Variants in PRDM10 observed in about 807,000 individuals in gnomAD.
The protein encoded by PRDM10 is PR domain zinc finger protein 10.
A neutral mutation model predicts 133.1 loss-of-function variants in PRDM10; 65 were observed. The observed-to-expected ratio is 0.49, with a 90% confidence interval of 0.40 to 0.60. The LOEUF (loss-of-function observed/expected upper bound fraction) is 0.60, where lower values mean the gene tolerates loss of function less well. Ranked by LOEUF, PRDM10 falls within the 20% of genes least tolerant of loss-of-function variation. The pLI, the probability that PRDM10 is intolerant of heterozygous loss-of-function variation, is 0.00. For synonymous variants in PRDM10, 582 were observed against 580.4 expected, an observed-to-expected ratio of 1.00 and a Z score of -0.04; for missense variants, 1,137 against 1,507.1, an observed-to-expected ratio of 0.75 and a Z score of 4.07.
At chr11:129,929,336 T>G in intron 11 of PRDM10, 1 of 1,442,012 alleles carries the variant, frequency 6.9e-7, no homozygotes, top group African/African-American at 1.4e-5. Context: ...ATTTAGTAAG[T>G]ACAGGTTGCA....
At position 129,917,136 on chromosome 11, in the gene PRDM10, A is replaced by G. The variant is rs145112819; in HGVS notation, c.2316T>C (p.Tyr772=). 2.3e-5 allele frequency: 37 copies of G among 1,608,770 alleles called. No homozygotes were observed. The African/African-American group carries it at 4.7e-4, about 20-fold the overall frequency. The change falls in exon 15 of 21, where the codon TAT becomes TAC. Residue 772 remains tyrosine (Y), a synonymous_variant. Coordinates refer to ENST00000360871, the MANE Select transcript of PRDM10 (RefSeq NM_199437.2). ...AATATTTCCCTTTTACCTTATCGCAATACTGACAAAAGTAATCACGATTGG... is the reference window on the plus strand; with the variant it reads ...AATATTTCCCTTTTACCTTATCGCAGTACTGACAAAAGTAATCACGATTGG... ...IKPNRDYFCQ[Y]CDKVYKSASK...
At chr11:129,995,051 G>C (rs1025852952) in intron 1 of PRDM10, among the ~76,000 whole-genome samples, 2 of 152,208 alleles carry the variant, frequency 1.3e-5, no homozygotes, top group African/African-American at 4.8e-5. Flanking sequence ...CTGTTTTGTA[G>C]TAATGTAACA....
chr11:129,905,043 A>C (rs1291396473), intron 20 of PRDM10, among the ~76,000 whole-genome samples: 12 of 152,112 alleles, frequency 7.9e-5, no homozygotes, highest in Admixed American at 7.2e-4. Context: ...TGTCTTGAGG[A>C]CTCAATCTTT....
At chr11:130,000,853 T>C (rs1939320074) in intron 1 of PRDM10, among the ~76,000 whole-genome samples, 1 of 152,206 alleles carries the variant, frequency 6.6e-6, no homozygotes. Context: ...ATGCCTGCAA[T>C]CCCAGCACTT....
At chr11:129,944,715 T>C in intron 6 of PRDM10, 56 bp downstream of exon 6, 2 of 1,595,644 alleles carry the variant, frequency 1.3e-6, no homozygotes, top group East Asian at 2.2e-5. Flanking sequence ...GACAACGCAG[T>C]GCTCCTTCAA....
At chr11:129,941,195 G>C (rs1951193027) in intron 7 of PRDM10, among the ~76,000 whole-genome samples, 2 of 152,140 alleles carry the variant, frequency 1.3e-5, no homozygotes, top group African/African-American at 4.8e-5. Context: ...GTGCAATTCA[G>C]TGTTTGTGTA....
intron 6 of PRDM10, among the ~76,000 whole-genome samples, chr11:129,944,564 G>A (rs373575582): frequency 6.2e-5 from 9 of 145,568 alleles, no homozygotes; most frequent in Non-Finnish European, 8.9e-5. Flanking sequence ...CAGCCTGGGC[G>A]ACAGAGCAAG....
intron 7 of PRDM10, among the ~76,000 whole-genome samples, chr11:129,941,558 G>T (rs780830642): frequency 2.6e-5 from 4 of 152,160 alleles, no homozygotes; most frequent in African/African-American, 4.8e-5. Context: ...AGATATACAC[G>T]CGTTCCTGTC....
chr11:129,994,465 CAAAAA>C (rs1187507792), intron 1 of PRDM10, among the ~76,000 whole-genome samples: 1 of 79,496 alleles, frequency 1.3e-5, no homozygotes, highest in Non-Finnish European at 2.4e-5. Flanking sequence ...AACTCTGCCT[CAAAAA>C]AAAAAAAAAA....
At position 129,947,227 on chromosome 11, in the gene PRDM10, TTCCTCAGTG is replaced by T. The variant is rs1359933890; in HGVS notation, c.429_437del (p.Asp143_Glu145del). 3 of 1,614,052 alleles carry T rather than the reference TTCCTCAGTG, an allele frequency of 1.9e-6. No homozygotes were observed. In the East Asian group the frequency reaches 6.7e-5, roughly 36 times the overall value. ...TGTCCTCACCGTCTTCTTCCTCATC[TTCCTCAGTG>T]TCCTCGTCCTCATCCTCATCCTCTT... On this transcript the variant is annotated inframe_deletion, in exon 5 of 21. Coordinates refer to ENST00000360871, the MANE Select transcript of PRDM10 (RefSeq NM_199437.2). This position sits in a 1 kb window ranked among gnomAD's most constrained non-coding sequence, Gnocchi z 4.6.
intron 1 of PRDM10, among the ~76,000 whole-genome samples, chr11:129,972,259 A>G (rs1046385066): frequency 6.6e-6 from 1 of 152,214 alleles, no homozygotes; most frequent in Admixed American, 6.5e-5. Flanking sequence ...CAGCCCAGAA[A>G]GGGGCTCCCA....
At position 129,949,995 on chromosome 11, in the gene PRDM10, C is replaced by T. The variant is rs12225083; in HGVS notation, c.295-2625G>A. 3.0e-4 allele frequency among the ~76,000 whole-genome samples: 44 copies of T among 146,664 alleles called. No homozygotes were observed. The East Asian group carries it at 8.5e-3, about 28-fold the overall frequency. ...TCATGCCTGTAATCCCAGCACTCTC[C>T]GAGGTTGAGGCAGGAGGATTGCTTG... On this transcript the variant is annotated intron_variant, in intron 4 of 20. Coordinates refer to ENST00000360871, the MANE Select transcript of PRDM10 (RefSeq NM_199437.2).
In PRDM10 at chr11:129,918,669, C is replaced by G; in HGVS notation, c.2084G>C (p.Arg695Thr). The change falls in exon 14 of 21, where the codon AGG becomes ACG. Residue 695 changes from arginine (R) to threonine (T), a missense_variant. Around this residue, in one of 6 missense-constraint regions of PRDM10, gnomAD observed 78 missense variants for 96.4 expected, o/e 0.81. Coordinates refer to ENST00000360871, the MANE Select transcript of PRDM10 (RefSeq NM_199437.2). This position sits in a 1 kb window ranked among gnomAD's most constrained non-coding sequence, Gnocchi z 5.3. ...EHMQRMHNPEREAKKADRISR... is the reference protein window; with the variant it reads ...EHMQRMHNPETEAKKADRISR... Reference sequence around the variant, plus strand: ...GATGCGGTCGGCTTTCTTGGCCTCCCTCTCAGGATTATGCATCCTCTGCAT... The same window carrying G: ...GATGCGGTCGGCTTTCTTGGCCTCCGTCTCAGGATTATGCATCCTCTGCAT... The G allele has an allele frequency of 6.2e-7, 1 of 1,614,164 alleles. No homozygotes were observed. Among genetic ancestry groups the G allele is most frequent in the Non-Finnish European group, 8.5e-7 (1 of 1,179,994 alleles).
At chr11:129,925,378 T>G in intron 11 of PRDM10, 149 bp from the exon 12 acceptor site, 2 of 747,954 alleles carry the variant, frequency 2.7e-6, no homozygotes, top group Non-Finnish European at 4.1e-6. Flanking sequence ...GAAAGGAGAT[T>G]TTTCTGGTGA....
intron 11 of PRDM10, among the ~76,000 whole-genome samples, chr11:129,928,410 G>T (rs1340758313): frequency 6.6e-6 from 1 of 151,886 alleles, no homozygotes; most frequent in African/African-American, 2.4e-5. Context: ...GGTTTTTTGA[G>T]ACATGGTCTC....
chr11:129,938,435 AC>A (rs2135845095), intron 7 of PRDM10, among the ~76,000 whole-genome samples: 1 of 152,156 alleles, frequency 6.6e-6, no homozygotes, highest in East Asian at 1.9e-4. Flanking sequence ...CAGACTTGAA[AC>A]CTGAAAGGTG....
intron 1 of PRDM10, among the ~76,000 whole-genome samples, chr11:129,970,384 A>C (rs1177605894): frequency 6.6e-6 from 1 of 152,220 alleles, no homozygotes; most frequent in East Asian, 1.9e-4. Flanking sequence ...GCTAGGAAGC[A>C]GAGGAGCTAC....
chr11:129,911,936 T>C, intron 18 of PRDM10, 149 bp downstream of exon 18: 8 of 1,059,760 alleles, frequency 7.5e-6, no homozygotes, highest in South Asian at 2.7e-5. Context: ...AATATAAAAA[T>C]TGGAGGCAAA....
intron 1 of PRDM10, among the ~76,000 whole-genome samples, chr11:129,979,481 G>T (rs1660555924): frequency 2.6e-5 from 4 of 152,122 alleles, no homozygotes. Context: ...GACTCAGTCA[G>T]CTCCAGGGTG....
Sources: allele counts gnomAD v4.1 joint callset (sites outside exome capture counted in the v4.1 genomes callset), GRCh38; gene constraint gnomAD v4.1.1; regional missense constraint gnomAD v4.1.1; non-coding constraint Gnocchi (gnomAD v3.1); transcripts MANE v1.5; gene names NCBI Gene and HGNC (gene_info 2026-07-23, HGNC 2026-07-21).